The following ADGRL3 variants were observed in gnomAD, a reference collection of about 807,000 sequenced individuals.
ADGRL3 encodes the protein calcium-independent alpha-latrotoxin receptor 3.
Under a neutral mutation model 153.5 loss-of-function variants are expected in ADGRL3, and 62 were observed. The ratio of observed to expected loss-of-function variants is 0.40; its 90% CI spans 0.33 to 0.50. The LOEUF is 0.50. Ranked by LOEUF, ADGRL3 falls within the 20% of genes least tolerant of loss-of-function variation. The probability of loss-of-function intolerance (pLI) is 0.47; values close to 1 mark genes in which losing one functional copy is unlikely to be tolerated. For synonymous variants in ADGRL3, 710 were observed against 672.5 expected, an observed-to-expected ratio of 1.06 and a Z score of -0.86; for missense variants, 1,641 against 1,859.4, an observed-to-expected ratio of 0.88 and a Z score of 2.16.
chr4:61,390,311 G>T (rs2124793), intron 2 of ADGRL3, among the ~76,000 whole-genome samples: 120,549 of 152,046 alleles, frequency 0.79, 48,101 homozygotes, highest in Middle Eastern at 0.89. Flanking sequence ...CCAGACCTTA[G>T]TTATCTTAAA....
intron 8 of ADGRL3, among the ~76,000 whole-genome samples, chr4:61,785,255 CT>C (rs2097263581): frequency 6.6e-6 from 1 of 152,134 alleles, no homozygotes; most frequent in Non-Finnish European, 1.5e-5. Context: ...CCAGAAATCA[CT>C]GGGTGAAAAC....
intron 11 of ADGRL3, among the ~76,000 whole-genome samples, chr4:61,899,216 T>G (rs972492670): frequency 2.6e-5 from 4 of 152,164 alleles, no homozygotes; most frequent in Non-Finnish European, 5.9e-5. Context: ...CCTAAATAAT[T>G]TCTTTTTAAT....
At chr4:61,547,043 T>A (rs940705829) in intron 4 of ADGRL3, among the ~76,000 whole-genome samples, 1 of 152,230 alleles carries the variant, frequency 6.6e-6, no homozygotes, top group Non-Finnish European at 1.5e-5. Context: ...TCTGAGAGAA[T>A]CAATTAGCTG....
chr4:61,317,980 A>G (rs1298029250), intron 1 of ADGRL3, among the ~76,000 whole-genome samples: 1 of 152,044 alleles, frequency 6.6e-6, no homozygotes, highest in African/African-American at 2.4e-5. Context: ...GTTCAAAACC[A>G]GACTGGCCAA....
chr4:61,838,030 TG>T (rs1006224571), intron 9 of ADGRL3, among the ~76,000 whole-genome samples: 61 of 152,144 alleles, frequency 4.0e-4, no homozygotes, highest in African/African-American at 1.4e-3. Flanking sequence ...TGATAAAGTT[TG>T]TTTGGGGGAG....
chr4:61,313,981 G>A (rs1405115853), intron 1 of ADGRL3, among the ~76,000 whole-genome samples: 2 of 152,102 alleles, frequency 1.3e-5, no homozygotes, highest in Non-Finnish European at 2.9e-5. Context: ...TTGAAGGAAA[G>A]TGGAGTACCC....
intron 9 of ADGRL3, among the ~76,000 whole-genome samples, chr4:61,816,430 G>T (rs1305250321): frequency 6.6e-6 from 1 of 152,148 alleles, no homozygotes; most frequent in Non-Finnish European, 1.5e-5. Context: ...GCAGGTTACT[G>T]TCATGTTTGC....
At position 61,756,789 on chromosome 4, in the gene ADGRL3, G is replaced by A. The variant is rs539624944; in HGVS notation, c.1399+23235G>A. Among the ~76,000 whole-genome samples, 11 of 152,180 alleles carry A rather than the reference G, an allele frequency of 7.2e-5. No homozygotes were observed. The East Asian group carries it at 9.7e-4, about 13-fold the overall frequency. ...GATAGCTCTTACTATTTTGAGATAT[G>A]TCCCATCAATACCTAATTTATTGAG... On this transcript the variant is annotated intron_variant, in intron 8 of 26. Transcript: ENST00000683033.
rs2097371051 is a variant in ADGRL3, at chr4:61,432,574, CTTTCTTTCTTTCTTTCTTTCTTTCT to C, written c.-174+49388_-174+49412del. 1.2e-3 allele frequency among the ~76,000 whole-genome samples: 2 copies of C among 1,666 alleles called. 1 individual carries two copies. Among genetic ancestry groups the C allele is most frequent in the Non-Finnish European group, 7.2e-3 (2 of 276 alleles). The allele number at this position is 1,666 out of a possible 152,430, so 1.1% of individuals were successfully genotyped here. A position where few individuals can be genotyped will look rare whatever the true frequency, so the allele number is the denominator to read the frequency against. On this transcript the variant is annotated intron_variant, in intron 2 of 26. Transcript: ENST00000683033. ...TTATAGATTTCTTTTCTTTCTCTTC[CTTTCTTTCTTTCTTTCTTTCTTTCT>C]TTCTTTCTTTCTTTCTTTCTTTCTT...
At chr4:61,409,591 G>C (rs2097058566) in intron 2 of ADGRL3, among the ~76,000 whole-genome samples, 1 of 151,150 alleles carries the variant, frequency 6.6e-6, no homozygotes, top group Non-Finnish European at 1.5e-5. Context: ...CATTCAGAAA[G>C]CCTAATTGTG....
chr4:61,330,931 G>C (rs1355327437), intron 1 of ADGRL3, among the ~76,000 whole-genome samples: 1 of 152,104 alleles, frequency 6.6e-6, no homozygotes, highest in Non-Finnish European at 1.5e-5. Context: ...AGTCCAGCTG[G>C]CTTCACCTCT....
At chr4:61,817,149 A>ACCC (rs34121977) in intron 9 of ADGRL3, among the ~76,000 whole-genome samples, 1 of 104,706 alleles carries the variant, frequency 9.6e-6, no homozygotes, top group African/African-American at 3.5e-5. Flanking sequence ...AGGTCTGCAG[A>ACCC]CCCCCCCCCC....
intron 1 of ADGRL3, among the ~76,000 whole-genome samples, chr4:61,212,790 C>A (rs1220436953): frequency 2.6e-5 from 4 of 152,128 alleles, no homozygotes; most frequent in Admixed American, 2.0e-4. Context: ...ACCTTCCTTA[C>A]TATTGCAAAT....
chr4:61,972,031 G>C (rs1174092049), intron 17 of ADGRL3, among the ~76,000 whole-genome samples: 4 of 151,694 alleles, frequency 2.6e-5, no homozygotes, highest in Non-Finnish European at 2.9e-5. Context: ...AAATTTGTTT[G>C]AGTTCATTGT....
rs548270729 is a variant in ADGRL3, at chr4:61,698,472, C to A, written c.583+21537C>A. ...CTCAAACAAACAACAACAACAACAA[C>A]AACAACAAAAACAAATACAAAAATA... On this transcript the variant is annotated intron_variant, in intron 6 of 26. Transcript: ENST00000683033. Among the ~76,000 whole-genome samples, 604 of 152,022 alleles carry A rather than the reference C, an allele frequency of 4.0e-3. 4 individuals are homozygous for A. Among genetic ancestry groups the A allele is most frequent in the African/African-American group, 0.014 (574 of 41,416 alleles).
chr4:61,757,441 G>T (rs2096849365), intron 8 of ADGRL3, among the ~76,000 whole-genome samples: 1 of 152,084 alleles, frequency 6.6e-6, no homozygotes, highest in Admixed American at 6.6e-5. Context: ...ATGATAGTTT[G>T]TATTTCTGTG....
intron 1 of ADGRL3, among the ~76,000 whole-genome samples, chr4:61,346,820 T>G (rs994439525): frequency 2.7e-5 from 4 of 150,612 alleles, no homozygotes; most frequent in African/African-American, 9.8e-5. Context: ...TGAATCTACA[T>G]TGTGTTAATA....
chr4:61,914,342 C>T lies in ADGRL3; in HGVS notation c.2112+1585C>T, dbSNP rs113813524. Among the ~76,000 whole-genome samples the T allele has an allele frequency of 9.4e-3, 1,424 of 152,060 alleles. 20 individuals are homozygous for T. The highest frequency in any genetic ancestry group is 0.032 in the African/African-American group (1,346 of 41,516). ...CTATAGCTAGGTTCATGACTCAGGC[C>T]CCTATAACAAAAGACAGGTTAACAA... On this transcript the variant is annotated intron_variant, in intron 13 of 26. Coordinates refer to ENST00000683033, the MANE Select transcript of ADGRL3 (RefSeq NM_001387552.1).
chr4:61,710,536 TTTA>T (rs2095953969), intron 6 of ADGRL3, among the ~76,000 whole-genome samples: 1 of 152,202 alleles, frequency 6.6e-6, no homozygotes, highest in African/African-American at 2.4e-5. Flanking sequence ...ACTGTAGCAG[TTTA>T]TTGAGTATTT....
Sources: allele counts gnomAD v4.1 joint callset (sites outside exome capture counted in the v4.1 genomes callset), GRCh38; gene constraint gnomAD v4.1.1; transcripts MANE v1.5; gene names NCBI Gene and HGNC (gene_info 2026-07-23, HGNC 2026-07-21).